CCDC122: variants seen among roughly 807,000 people sequenced by gnomAD.
The protein encoded by CCDC122 is coiled-coil domain containing 122.
CCDC122 carries 38 observed loss-of-function variants against 37.0 expected under a neutral mutation model. The ratio of observed to expected loss-of-function variants is 1.03; its 90% CI spans 0.79 to 1.35. The LOEUF (loss-of-function observed/expected upper bound fraction) is 1.35, where lower values mean the gene tolerates loss of function less well. Among genes scored for constraint, CCDC122 ranks in the 40% most tolerant of loss-of-function variants. The pLI, the probability that CCDC122 is intolerant of heterozygous loss-of-function variation, is 0.00. For synonymous variants in CCDC122, 83 were observed against 95.6 expected (o/e 0.87, Z 0.77); for missense variants, 305 against 310.0 (o/e 0.98, Z 0.12).
chr13:43,849,084 G>A (rs1953639760), intron 6 of CCDC122: 1 of 883,322 alleles, frequency 1.1e-6, no homozygotes, highest in African/African-American at 1.8e-5. Context: ...TTCATAATTT[G>A]TTGTGAAGAA....
intron 6 of CCDC122, among the ~76,000 whole-genome samples, chr13:43,857,593 T>C (rs1340176359): frequency 6.6e-6 from 1 of 152,156 alleles, no homozygotes. Context: ...AATTTCTGGA[T>C]TCTTTTTTTC....
chr13:43,867,726 G>C (rs1331289375), intron 4 of CCDC122, among the ~76,000 whole-genome samples: 3 of 152,102 alleles, frequency 2.0e-5, no homozygotes, highest in Middle Eastern at 6.8e-3. Flanking sequence ...AGACTGAAAA[G>C]TTTTACAAAA....
downstream of CCDC122, among the ~76,000 whole-genome samples, chr13:43,821,732 C>T (rs1054940673): frequency 6.6e-6 from 1 of 152,142 alleles, no homozygotes; most frequent in African/African-American, 2.4e-5. Context: ...TCTTCAAGCT[C>T]ACGAATTATT....
chr13:43,859,623 C>CA (rs1426472418), intron 5 of CCDC122, 49 bp downstream of exon 5: 1 of 1,377,256 alleles, frequency 7.3e-7, no homozygotes, highest in African/African-American at 1.5e-5. Context: ...TATGTACTTG[C>CA]AAAAAAGGAG....
intron 6 of CCDC122, among the ~76,000 whole-genome samples, chr13:43,848,453 A>G (rs985317670): frequency 6.6e-6 from 1 of 151,828 alleles, no homozygotes; most frequent in Non-Finnish European, 1.5e-5. Flanking sequence ...GAAACCACTG[A>G]TTGTTGCTCA....
rs1708012297 is a variant in CCDC122 at position 43,836,516 on chromosome 13, GCTA to G, written c.*761_*763del. ...TTATTATAAATATCAATATTTATGG[GCTA>G]CTGTGAAGGCAGCTGTAAAAAAACA... On this transcript the variant is annotated 3_prime_UTR_variant, in exon 7 of 7. Transcript: ENST00000444614. 1 of 152,076 alleles carries G rather than the reference GCTA, an allele frequency of 6.6e-6. No individual in the cohort carries two copies. Among genetic ancestry groups the G allele is most frequent in the Non-Finnish European group, 1.5e-5 (1 of 68,016 alleles). The allele number at this position is 152,076 out of a possible 1,614,324, so 9.4% of individuals were successfully genotyped here.
At chr13:43,844,617 T>G (rs1047101412) in intron 6 of CCDC122, among the ~76,000 whole-genome samples, 4 of 152,104 alleles carry the variant, frequency 2.6e-5, no homozygotes, top group Non-Finnish European at 1.5e-5. Context: ...GATCTGTCTC[T>G]TTTTTTCTTT....
intron 3 of CCDC122, among the ~76,000 whole-genome samples, chr13:43,830,734 G>T (rs1953081883): frequency 6.6e-6 from 1 of 152,152 alleles, no homozygotes; most frequent in Admixed American, 6.5e-5. Flanking sequence ...TGCATAAACC[G>T]GTTCTAAATG....
chr13:43,847,921 C>G (rs1024646067), intron 6 of CCDC122, among the ~76,000 whole-genome samples: 2 of 152,136 alleles, frequency 1.3e-5, no homozygotes, highest in African/African-American at 4.8e-5. Context: ...AATACAGGCA[C>G]ACACCACCAT....
chr13:43,877,527 A>G (rs1954657624), intron 1 of CCDC122, among the ~76,000 whole-genome samples: 1 of 152,160 alleles, frequency 6.6e-6, no homozygotes, highest in South Asian at 2.1e-4. Context: ...TACATCTATG[A>G]GAGGGCTTCT....
intron 4 of CCDC122, among the ~76,000 whole-genome samples, chr13:43,866,639 C>T (rs930263631): frequency 6.6e-6 from 1 of 152,142 alleles, no homozygotes; most frequent in African/African-American, 2.4e-5. Flanking sequence ...GCATACTGGT[C>T]TTGTAAACCT....
chr13:43,836,960 C>G lies in CCDC122; in HGVS notation c.*320G>C. The G allele has an allele frequency of 5.9e-6, 1 of 170,192 alleles. No homozygotes were observed. The highest frequency in any genetic ancestry group is 1.5e-4 in the East Asian group (1 of 6,624). 10.5% of individuals were successfully genotyped at this position (170,192 alleles called of 1,614,324 possible). ...GTGTTTTTTCCCTTCTAAATTTTTA[C>G]TTCATAGGGTAGTGAATGCAACATA... On this transcript the variant is annotated 3_prime_UTR_variant, in exon 7 of 7. Coordinates refer to ENST00000444614, the MANE Select transcript of CCDC122 (RefSeq NM_144974.5).
intron 6 of CCDC122, among the ~76,000 whole-genome samples, chr13:43,848,140 A>G (rs1374600058): frequency 1.3e-5 from 2 of 152,200 alleles, no homozygotes; most frequent in Non-Finnish European, 1.5e-5. Context: ...ACCTCAATAA[A>G]TGAATGCATT....
Position 43,869,463 on chromosome 13 carries a change from G to A in CCDC122, c.-87C>T. On this transcript the variant is annotated 5_prime_UTR_variant, in exon 3 of 7. Coordinates refer to ENST00000444614, the MANE Select transcript of CCDC122 (RefSeq NM_144974.5). ...TCTATATTGATAATCTTTCACTTTT[G>A]TTTTTTCCTGTTGTATATTGGTGAT... The A allele has an allele frequency of 3.7e-6, 4 of 1,088,502 alleles. No homozygotes were observed. Among genetic ancestry groups the A allele is most frequent in the Non-Finnish European group, 5.4e-6 (4 of 747,142 alleles). 67.4% of individuals were successfully genotyped at this position (1,088,502 alleles called of 1,614,324 possible).
At chr13:43,828,605 T>C (rs1025145316) in intron 3 of CCDC122, among the ~76,000 whole-genome samples, 1 of 151,248 alleles carries the variant, frequency 6.6e-6, no homozygotes, top group Non-Finnish European at 1.5e-5. Flanking sequence ...CACACGTGTC[T>C]TTCTTGTCAA....
intron 3 of CCDC122, among the ~76,000 whole-genome samples, chr13:43,827,516 A>G (rs1023500955): frequency 6.6e-6 from 1 of 152,226 alleles, no homozygotes; most frequent in African/African-American, 2.4e-5. Context: ...TTTGATTCAG[A>G]AATCATGATA....
intron 4 of CCDC122, among the ~76,000 whole-genome samples, chr13:43,863,662 C>G (rs2153876751): frequency 6.9e-6 from 1 of 144,204 alleles, no homozygotes; most frequent in East Asian, 2.0e-4. Flanking sequence ...TTAAACTTAG[C>G]CATTCTAGTG....
chr13:43,834,621 C>T (rs190714543), downstream of CCDC122, among the ~76,000 whole-genome samples: 43 of 152,258 alleles, frequency 2.8e-4, no homozygotes, highest in East Asian at 8.3e-3. Flanking sequence ...AAGAAAAAAA[C>T]AAACAACCCC....
intron 4 of CCDC122, among the ~76,000 whole-genome samples, chr13:43,862,089 G>T (rs1277044951): frequency 6.6e-6 from 1 of 152,144 alleles, no homozygotes; most frequent in African/African-American, 2.4e-5. Context: ...TCAGGCAGAA[G>T]AATCTTTTCA....
Sources: gnomAD v4.1 joint callset for allele counts (sites outside exome capture counted in the v4.1 genomes callset) on GRCh38, gnomAD v4.1.1 for gene constraint, MANE v1.5 for transcripts, NCBI Gene and HGNC (gene_info 2026-07-23, HGNC 2026-07-21) for gene names.